IGFL2: variants seen among roughly 807,000 people sequenced by gnomAD.
The protein encoded by IGFL2 is insulin growth factor-like family member 2.
IGFL2 carries 7 observed loss-of-function variants against 13.9 expected under a neutral mutation model. That is an observed-to-expected ratio of 0.51 (90% CI 0.29 to 0.95). The LOEUF (loss-of-function observed/expected upper bound fraction) is 0.95, where lower values mean the gene tolerates loss of function less well. IGFL2 is among the 40% of genes least tolerant of loss of function. The probability of loss-of-function intolerance (pLI) is 0.08; values close to 1 mark genes in which losing one functional copy is unlikely to be tolerated. For missense variants in IGFL2, 138 were observed against 147.8 expected (o/e 0.93, Z 0.34); for synonymous variants, 55 against 55.8 (o/e 0.99, Z 0.07).
upstream of IGFL2, among the ~76,000 whole-genome samples, chr19:46,138,902 C>A (rs1014821549): frequency 6.6e-6 from 1 of 152,156 alleles, no homozygotes; most frequent in Non-Finnish European, 1.5e-5. Flanking sequence ...GGAGAATGAG[C>A]ATCCCTGTCC....
chr19:46,096,531 G>T, the IGFL2 span, among the ~76,000 whole-genome samples: 1 of 152,052 alleles, frequency 6.6e-6, no homozygotes, highest in Non-Finnish European at 1.5e-5. Context: ...TTGCCTGATT[G>T]CCCTGGCCAT....
the IGFL2 span, among the ~76,000 whole-genome samples, chr19:46,210,924 G>T: frequency 2.0e-5 from 3 of 152,226 alleles, no homozygotes; most frequent in African/African-American, 7.2e-5. Context: ...TTTCTGGTCT[G>T]CAGAGGCTGG....
chr19:46,118,469 G>A, the IGFL2 span, among the ~76,000 whole-genome samples: 1 of 152,192 alleles, frequency 6.6e-6, no homozygotes, highest in Non-Finnish European at 1.5e-5. Context: ...AAGCCCCTGG[G>A]CTCCACACTC....
the IGFL2 span, among the ~76,000 whole-genome samples, chr19:46,200,319 C>T: frequency 6.6e-6 from 1 of 151,932 alleles, no homozygotes; most frequent in South Asian, 2.1e-4. Flanking sequence ...AGGCCCATGA[C>T]ATTATGCCCG....
At chr19:46,094,765 T>A in the IGFL2 span, among the ~76,000 whole-genome samples, 1 of 152,192 alleles carries the variant, frequency 6.6e-6, no homozygotes, top group East Asian at 1.9e-4. Context: ...CACTTACAAG[T>A]GAGAACATGC....
chr19:46,151,843 C>T (rs1436574271), intron 1 of IGFL2, among the ~76,000 whole-genome samples: 2 of 152,066 alleles, frequency 1.3e-5, no homozygotes, highest in Non-Finnish European at 2.9e-5. Context: ...GCCTGTGAGG[C>T]GGAGGTTGCA....
the IGFL2 span, among the ~76,000 whole-genome samples, chr19:46,096,743 A>G: frequency 6.6e-6 from 1 of 152,090 alleles, no homozygotes; most frequent in Non-Finnish European, 1.5e-5. Flanking sequence ...ATTTAATTCT[A>G]TGAGAGGCGT....
chr19:46,199,152 A>G, the IGFL2 span, among the ~76,000 whole-genome samples: 1 of 152,180 alleles, frequency 6.6e-6, no homozygotes. Context: ...AGGCCTGTGG[A>G]CTGGAGTTCA....
chr19:46,141,516 G>T (rs1330053199), upstream of IGFL2, among the ~76,000 whole-genome samples: 1 of 152,036 alleles, frequency 6.6e-6, no homozygotes, highest in East Asian at 1.9e-4. Context: ...CATCCCACAA[G>T]GCCCTTCACT....
the IGFL2 span, chr19:46,113,462 G>A: frequency 2.8e-4 from 107 of 380,828 alleles, 1 homozygote; most frequent in Non-Finnish European, 4.7e-4. Flanking sequence ...CCAGGATTAC[G>A]ACAAAGAAGA....
Position 46,160,732 on chromosome 19 carries a change from C to T in IGFL2, c.192C>T (p.Arg64=), listed in dbSNP as rs756051028. The T allele has an allele frequency of 7.4e-6, 12 of 1,614,084 alleles. No individual in the cohort carries two copies. In the Admixed American group the frequency reaches 2.0e-4, roughly 27 times the overall value. The change falls in exon 3 of 4, where the codon CGC becomes CGT. Residue 64 remains arginine (R), a synonymous_variant. Transcript: ENST00000377693. The part of the protein sequence containing the change: ...NDAIVSLSET[R]QCGPPCTFWP... Reference sequence around the variant, plus strand: ...CCATCGTGTCCCTGAGCGAGACCCGCCAATGTGGTCCCCCCTGCACCTTCT... The same window carrying T: ...CCATCGTGTCCCTGAGCGAGACCCGTCAATGTGGTCCCCCCTGCACCTTCT...
At chr19:46,157,435 A>C (rs1200951169) in intron 1 of IGFL2, among the ~76,000 whole-genome samples, 1 of 152,230 alleles carries the variant, frequency 6.6e-6, no homozygotes, top group Non-Finnish European at 1.5e-5. Flanking sequence ...CATCATGCCT[A>C]TGTAGGGCTT....
chr19:46,204,221 C>T, the IGFL2 span: 11 of 152,320 alleles, frequency 7.2e-5, no homozygotes, highest in East Asian at 1.5e-3. Flanking sequence ...TCAGGTCTCC[C>T]ACCAGCAGCT....
chr19:46,126,278 A>G, the IGFL2 span, among the ~76,000 whole-genome samples: 124 of 152,296 alleles, frequency 8.1e-4, 2 homozygotes, highest in Middle Eastern at 0.017. Context: ...TCATCTTTCA[A>G]CCCCAGATTG....
the IGFL2 span, among the ~76,000 whole-genome samples, chr19:46,179,727 C>T: frequency 6.6e-6 from 1 of 152,028 alleles, no homozygotes; most frequent in Non-Finnish European, 1.5e-5. Context: ...ACCAGCTTGA[C>T]CAACGTGATG....
the IGFL2 span, chr19:46,113,459 T>G: frequency 2.6e-6 from 1 of 385,732 alleles, no homozygotes; most frequent in South Asian, 2.0e-5. Context: ...TATCCAGGAT[T>G]ACGACAAAGA....
At chr19:46,182,544 A>G in the IGFL2 span, among the ~76,000 whole-genome samples, 1 of 152,184 alleles carries the variant, frequency 6.6e-6, no homozygotes, top group African/African-American at 2.4e-5. Context: ...TGTCACAGGC[A>G]TAGCTTAAGT....
upstream of IGFL2, among the ~76,000 whole-genome samples, chr19:46,143,639 C>T (rs12459902): frequency 0.42 from 63,515 of 151,930 alleles, 15,566 homozygotes; most frequent in Non-Finnish European, 0.57. Flanking sequence ...CACCCCAATC[C>T]ACACATTGTT....
chr19:46,138,721 A>G (rs949607778), upstream of IGFL2, among the ~76,000 whole-genome samples: 4 of 152,146 alleles, frequency 2.6e-5, no homozygotes, highest in East Asian at 3.9e-4. Flanking sequence ...TAGTTTGGCA[A>G]CTGAGGCTTT....
Sources: allele counts gnomAD v4.1 joint callset (sites outside exome capture counted in the v4.1 genomes callset), GRCh38; gene constraint gnomAD v4.1.1; transcripts MANE v1.5; gene names NCBI Gene and HGNC (gene_info 2026-07-23, HGNC 2026-07-21).